Variants in RECQL4 observed in about 807,000 individuals in gnomAD.
The protein encoded by RECQL4 is RecQ like helicase 4, also known as ATP-dependent DNA helicase Q4.
A neutral mutation model predicts 128.6 loss-of-function variants in RECQL4; 158 were observed. The observed-to-expected ratio is 1.23, with a 90% CI of 1.08 to 1.40. RECQL4 has a LOEUF of 1.40. Ranked by LOEUF, RECQL4 falls within the 40% of genes most tolerant of loss-of-function variation. The pLI is 0.00. For synonymous variants in RECQL4, 996 were observed against 678.9 expected (o/e 1.47, Z -7.26); for missense variants, 2,293 against 1,649.8 (o/e 1.39, Z -6.75).
In RECQL4 at chr8:144,514,026, G is replaced by C; in HGVS notation, c.1960C>G (p.Gln654Glu). The C allele has an allele frequency of 6.4e-7, 1 of 1,574,178 alleles. No individual in the cohort carries two copies. The highest frequency in any genetic ancestry group is 8.6e-7 in the Non-Finnish European group (1 of 1,160,832). ...GGCTCTTCAGCCACAGCCAGGTGCT[G>C]TGCCACGTCACTGGCAGTGCGGCGT... ...ATRRTASDVA[Q>E]HLAVAEEPDL... The change falls in exon 12 of 21, where the codon CAG becomes GAG. Residue 654 changes from glutamine (Q) to glutamate (E), a missense_variant. Coordinates refer to ENST00000617875, the MANE Select transcript of RECQL4 (RefSeq NM_004260.4).
chr8:144,511,900 A>G lies in RECQL4; in HGVS notation c.3393+11T>C. 1 of 1,610,458 alleles carries G rather than the reference A, an allele frequency of 6.2e-7. No individual in the cohort carries two copies. The highest frequency in any genetic ancestry group is 8.5e-7 in the Non-Finnish European group (1 of 1,179,600). On this transcript the variant is annotated intron_variant, in intron 19 of 20. Coordinates refer to ENST00000617875, the MANE Select transcript of RECQL4 (RefSeq NM_004260.4). ...CAACCCCGATGAGCTGCCTGGCCTT[A>G]CTGCACTCACTCTGGCCTGCCCTGG...
At position 144,512,440 on chromosome 8, in the gene RECQL4, C is replaced by G; in HGVS notation, c.3007G>C (p.Val1003Leu). Residue 1003 changes from valine to leucine, a missense_variant, in exon 17 of 21, where the codon GTG (valine) becomes CTG (leucine). Physicochemically the swap from Val to Leu is conservative, Grantham distance 32. Coordinates refer to ENST00000617875, the MANE Select transcript of RECQL4 (RefSeq NM_004260.4). ...TGCAGCTGGCAGAGAGCCCGCCGCA[C>G]AGAGGCCAGCTCCCAGCCCATGGAG... is the stretch of plus-strand genomic sequence containing the variant. ...VDSMGWELAS[V>L]RRALCQLQWD... is the part of the protein sequence containing the mutation. 1 of 1,610,584 alleles carries G rather than the reference C, an allele frequency of 6.2e-7. No homozygotes were observed. The highest frequency in any genetic ancestry group is 8.5e-7 in the Non-Finnish European group (1 of 1,178,588).
chr8:144,517,739 G>T lies in RECQL4; in HGVS notation c.46C>A (p.Arg16Ser), dbSNP rs1166338293. Residue 16 changes from arginine to serine, a missense_variant, in exon 1 of 21, where the codon CGC (arginine) becomes AGC (serine). Physicochemically the swap from Arg to Ser is moderately radical, Grantham distance 110. Transcript: ENST00000617875. ...CGCCCGCGCTGCCGTCGGAACGCGCGCTCCCACGCCTGCAGCCGCTCCCGC... is the reference window on the plus strand; with the variant it reads ...CGCCCGCGCTGCCGTCGGAACGCGCTCTCCCACGCCTGCAGCCGCTCCCGC... ...DVRERLQAWE[R>S]AFRRQRGRRP... is the part of the protein sequence containing the mutation. 2 of 1,347,504 alleles carry T rather than the reference G, an allele frequency of 1.5e-6. No homozygotes were observed. Among genetic ancestry groups the T allele is most frequent in the Admixed American group, 3.2e-5 (1 of 31,468 alleles). 83.5% of individuals were successfully genotyped at this position (1,347,504 alleles called of 1,614,324 possible).
intron 9 of RECQL4, 147 bp downstream of exon 9, chr8:144,514,789 A>G: frequency 9.5e-7 from 1 of 1,056,262 alleles, no homozygotes; most frequent in Non-Finnish European, 1.4e-6. Flanking sequence ...GCTGCCTTTG[A>G]CCTGCTGCCA....
chr8:144,513,671 G>A lies in RECQL4; in HGVS notation c.2100C>T (p.Leu700=), dbSNP rs775812008. The A allele has an allele frequency of 4.2e-5, 65 of 1,557,892 alleles. No individual in the cohort carries two copies. Among genetic ancestry groups the A allele is most frequent in the Non-Finnish European group, 5.3e-5 (61 of 1,151,352 alleles). The change falls in exon 13 of 21, where the codon CTC becomes CTT. Residue 700 remains leucine (L), a synonymous_variant. Coordinates refer to ENST00000617875, the MANE Select transcript of RECQL4 (RefSeq NM_004260.4). ...GGTTGCAGTAAATGATAATGGAATC[G>A]AGGTTTTGAAAACGTTTGCCTTGCA... ...TLLQGKRFQN[L]DSIIIYCNRR...
At position 144,517,299 on chromosome 8, in the gene RECQL4, C is replaced by T. The variant is rs1031781038; in HGVS notation, c.214-109G>A. Reference sequence around the variant, plus strand: ...CGAGGCCCGGCCCTTCTTCACTTTGCCCAGTCCCCCTCCCAAGTTCTGTGC... The same window carrying T: ...CGAGGCCCGGCCCTTCTTCACTTTGTCCAGTCCCCCTCCCAAGTTCTGTGC... On this transcript the variant is annotated intron_variant, in intron 3 of 20. Transcript: ENST00000617875. 42 of 1,491,394 alleles carry T rather than the reference C, an allele frequency of 2.8e-5. 1 individual carries two copies. The Middle Eastern group carries it at 7.1e-4, about 25-fold the overall frequency. 92.4% of individuals were successfully genotyped at this position (1,491,394 alleles called of 1,614,324 possible).
At chr8:144,514,549 G>A (rs760787748) in intron 9 of RECQL4, 24 bp from the exon 10 acceptor site, 68 of 1,602,888 alleles carry the variant, frequency 4.2e-5, no homozygotes, top group East Asian at 6.7e-5. Flanking sequence ...AGCGACAGCC[G>A]TCATACGCCA....
Position 144,512,449 on chromosome 8 carries a change from G to A in RECQL4, c.2998C>T (p.Leu1000=), listed in dbSNP as rs369172759. The A allele has an allele frequency of 3.7e-6, 6 of 1,611,364 alleles. No individual in the cohort carries two copies. Among genetic ancestry groups the A allele is most frequent in the African/African-American group, 2.7e-5 (2 of 74,928 alleles). ...CAGAGAGCCCGCCGCACAGAGGCCAGCTCCCAGCCCATGGAGTCCACCAGC... is the reference window on the plus strand; with the variant it reads ...CAGAGAGCCCGCCGCACAGAGGCCAACTCCCAGCCCATGGAGTCCACCAGC... ...VKLVDSMGWE[L]ASVRRALCQL... Residue 1000 remains leucine (L), a synonymous_variant, in exon 17 of 21, where the codon CTG becomes TTG. Coordinates refer to ENST00000617875, the MANE Select transcript of RECQL4 (RefSeq NM_004260.4).
At position 144,515,179 on chromosome 8, in the gene RECQL4, T is replaced by C. The variant is rs1305890977; in HGVS notation, c.1454A>G (p.Gln485Arg). The change falls in exon 8 of 21, where the codon CAG becomes CGG. Residue 485 changes from glutamine (Q) to arginine (R), a missense_variant. Coordinates refer to ENST00000617875, the MANE Select transcript of RECQL4 (RefSeq NM_004260.4). ...CAGGATCCGCATGACTGCACGCTCC[T>C]GCCCAGGGCGAAAGGCTTGGTGCCC... ...QLGHQAFRPG[Q>R]ERAVMRILSG... The C allele has an allele frequency of 6.4e-7, 1 of 1,566,098 alleles. No homozygotes were observed. Among genetic ancestry groups the C allele is most frequent in the Non-Finnish European group, 8.6e-7 (1 of 1,156,398 alleles).
In RECQL4 at chr8:144,516,032, A is replaced by G. The variant is rs2130716237; in HGVS notation, c.1087T>C (p.Tyr363His). 6.2e-7 allele frequency: 1 copy of G among 1,611,524 alleles called. No individual in the cohort carries two copies. Among genetic ancestry groups the G allele is most frequent in the Non-Finnish European group, 8.5e-7 (1 of 1,178,996 alleles). ...CTACGGAGTGCCCGGCCCCGCACGT[A>G]GTGTTTCTGCTTCATGTTGAGCCGT... ...YVRLNMKQKH[Y>H]VRGRALRSRL... The change falls in exon 5 of 21, where the codon TAC (tyrosine) becomes CAC (histidine). Residue 363 changes from tyrosine to histidine, a missense_variant. Tyr to His is a moderately conservative substitution (Grantham distance 83, BLOSUM62 2). Coordinates refer to ENST00000617875, the MANE Select transcript of RECQL4 (RefSeq NM_004260.4).
rs777884007 is a variant in RECQL4, at chr8:144,511,932, G to A, written c.3372C>T (p.Gly1124=). The change falls in exon 19 of 21, where the codon GGC becomes GGT. Residue 1124 remains glycine (G), a synonymous_variant. Coordinates refer to ENST00000617875, the MANE Select transcript of RECQL4 (RefSeq NM_004260.4). ...QEPGGMEDAQ[G]PEPGQARLQD... is the part of the protein sequence containing the mutation. ...TCACTCTGGCCTGCCCTGGCTCGGG[G>A]CCCTGTGCGTCCTCCATGCCTCCCG... The A allele has an allele frequency of 5.6e-6, 9 of 1,611,134 alleles. No individual in the cohort carries two copies. The highest frequency in any genetic ancestry group is 2.2e-5 in the East Asian group (1 of 44,888).
chr8:144,511,815 C>T (rs766585337), intron 19 of RECQL4, 26 bp from the exon 20 acceptor site: 185 of 1,611,634 alleles, frequency 1.1e-4, no homozygotes, highest in Non-Finnish European at 1.5e-4. Context: ...CATCAGGCTT[C>T]CTCTGAGCTC....
chr8:144,517,404 G>T lies in RECQL4; in HGVS notation c.213+10C>A, dbSNP rs565610567. On this transcript the variant is annotated intron_variant, in intron 3 of 20. Transcript: ENST00000617875. ...AGTGGGAGGAGGCTGGGGCGGCGGG[G>T]CCTGGGTACCTCTTCGGCCGCCGCG... 7 of 1,561,694 alleles carry T rather than the reference G, an allele frequency of 4.5e-6. No homozygotes were observed. Among genetic ancestry groups the T allele is most frequent in the Middle Eastern group, 2.2e-4 (1 of 4,622 alleles).
In RECQL4 at chr8:144,513,127, C is replaced by A; in HGVS notation, c.2475G>T (p.Leu825=). 1 of 1,560,308 alleles carries A rather than the reference C, an allele frequency of 6.4e-7. No homozygotes were observed. Among genetic ancestry groups the A allele is most frequent in the Non-Finnish European group, 8.7e-7 (1 of 1,152,484 alleles). ...HLFLQPQGED[L]RELRRHVHAD... ...CGTGCACATGTCTGCGCAGCTCTCG[C>A]AGGTCTTCGCCCTGCAGGGCAACTT... Residue 825 remains leucine (L), a synonymous_variant, in exon 15 of 21, where the codon CTG becomes CTT. Coordinates refer to ENST00000617875, the MANE Select transcript of RECQL4 (RefSeq NM_004260.4).
rs764321990 is a variant in RECQL4, at chr8:144,513,485, G to C, written c.2201-5C>G. On this transcript the variant is annotated splice_polypyrimidine_tract_variant and splice_region_variant and intron_variant, in intron 13 of 20. Transcript: ENST00000617875. ...CTGTGGTTTTGGGGGCACGACCTTT[G>C]GGGAAGACAGGCAGATGGTCAGTGG... 1 of 1,609,968 alleles carries C rather than the reference G, an allele frequency of 6.2e-7. No individual in the cohort carries two copies. The highest frequency in any genetic ancestry group is 1.7e-5 in the Admixed American group (1 of 59,998).
rs1827483654 is a variant in RECQL4, at chr8:144,512,725, C to T, written c.2802G>A (p.Trp934Ter). The T allele has an allele frequency of 2.5e-6, 4 of 1,612,288 alleles. No individual in the cohort carries two copies. The highest frequency in any genetic ancestry group is 3.4e-6 in the Non-Finnish European group (4 of 1,179,806). The part of the protein sequence containing the change: ...LCYLELHPHH[W>*]LELLATTYTH... ...TATAGGTGGTCGCCAGCAGCTCCAG[C>T]CAGTGGTGTGGGTGCAGCTCCAGGT... is the stretch of plus-strand genomic sequence containing the variant. The change falls in exon 16 of 21, where the codon TGG becomes TGA. Residue 934 changes from tryptophan to a stop codon, truncating the protein, a stop_gained. Transcript: ENST00000617875. LOFTEE classifies it high-confidence loss of function.
At position 144,513,655 on chromosome 8, in the gene RECQL4, A is replaced by G; in HGVS notation, c.2116T>C (p.Tyr706His). 6.4e-7 allele frequency: 1 copy of G among 1,572,282 alleles called. No individual in the cohort carries two copies. Among genetic ancestry groups the G allele is most frequent in the Non-Finnish European group, 8.6e-7 (1 of 1,159,350 alleles). The change falls in exon 13 of 21, where the codon TAC becomes CAC. Residue 706 changes from tyrosine (Y) to histidine (H), a missense_variant. Tyr to His is a moderately conservative substitution (Grantham distance 83). Coordinates refer to ENST00000617875, the MANE Select transcript of RECQL4 (RefSeq NM_004260.4). ...TCTGTGTCCTCGCGCCGGTTGCAGT[A>G]AATGATAATGGAATCGAGGTTTTGA... is the stretch of plus-strand genomic sequence containing the variant. ...RFQNLDSIIIYCNRREDTERI... is the reference protein window; with the variant it reads ...RFQNLDSIIIHCNRREDTERI...
At chr8:144,514,581 A>C (rs890628420) in intron 9 of RECQL4, 56 bp from the exon 10 acceptor site, 2 of 1,535,342 alleles carry the variant, frequency 1.3e-6, no homozygotes, top group African/African-American at 2.7e-5. Flanking sequence ...GCCCTTCCCC[A>C]AGTCATCCCA....
chr8:144,516,856 A>C, intron 4 of RECQL4, 92 bp from the exon 5 acceptor site: 2 of 1,398,514 alleles, frequency 1.4e-6, no homozygotes, highest in Non-Finnish European at 1.9e-6. Flanking sequence ...GCTCAATTGT[A>C]GAGCAGGCTA....
Sources: gnomAD v4.1 joint callset for allele counts on GRCh38, gnomAD v4.1.1 for gene constraint, MANE v1.5 for transcripts, NCBI Gene and HGNC (gene_info 2026-07-23, HGNC 2026-07-21) for gene names.